The following ABLIM2 variants were observed in gnomAD, a reference collection of about 807,000 sequenced individuals.
ABLIM2 encodes the protein actin-binding LIM protein 2.
Under a neutral mutation model 97.7 loss-of-function variants are expected in ABLIM2, and 53 were observed. That is an observed-to-expected ratio of 0.54 (90% CI 0.44 to 0.68). The LOEUF is 0.68. ABLIM2 is among the 30% of genes least tolerant of loss of function. ABLIM2 has a pLI of 0.00. For missense variants in ABLIM2, 835 were observed against 867.2 expected (o/e 0.96, Z 0.47); for synonymous variants, 361 against 345.8 (o/e 1.04, Z -0.49).
At chr4:8,100,983 C>A (rs1330517139) in intron 2 of ABLIM2, among the ~76,000 whole-genome samples, 2 of 152,170 alleles carry the variant, frequency 1.3e-5, no homozygotes, top group African/African-American at 4.8e-5. Flanking sequence ...AGGTATACGG[C>A]ATGCCTTCAC....
At position 8,054,078 on chromosome 4, in the gene ABLIM2, G is replaced by T; in HGVS notation, c.822+110C>A. 2 of 1,293,426 alleles carry T rather than the reference G, an allele frequency of 1.5e-6. No individual in the cohort carries two copies. Among genetic ancestry groups the T allele is most frequent in the Non-Finnish European group, 2.2e-6 (2 of 897,772 alleles). The allele number at this position is 1,293,426 out of a possible 1,614,324, so 80.1% of individuals were successfully genotyped here. A position where few individuals can be genotyped will look rare whatever the true frequency, so the allele number is the denominator to read the frequency against. ...CCTGGCTGCCCCCATCCTGCAGCCCGTGGGACTGGACAATGAGCCTGTAGA... is the reference window on the plus strand; with the variant it reads ...CCTGGCTGCCCCCATCCTGCAGCCCTTGGGACTGGACAATGAGCCTGTAGA... On this transcript the variant is annotated intron_variant, in intron 8 of 20. Coordinates refer to ENST00000447017, the MANE Select transcript of ABLIM2 (RefSeq NM_001130083.2). The surrounding 1 kb of genome is among the most constrained non-coding windows in gnomAD (Gnocchi z 4.9).
intron 10 of ABLIM2, among the ~76,000 whole-genome samples, chr4:8,035,338 C>T (rs927124264): frequency 3.9e-5 from 6 of 152,160 alleles, no homozygotes; most frequent in African/African-American, 9.7e-5. Context: ...CCGCATCGAA[C>T]GCGCTGCCCT....
rs1491388570 is a variant in ABLIM2 at position 8,091,340 on chromosome 4, AAT to A, written c.339-3058_339-3057del. On this transcript the variant is annotated intron_variant, in intron 3 of 20. Coordinates refer to ENST00000447017, the MANE Select transcript of ABLIM2 (RefSeq NM_001130083.2). Reference sequence around the variant, plus strand: ...ATAATTATATATATATTATATATATAATATATATATAATTATATATATATTAT... The same window carrying A: ...ATAATTATATATATATTATATATATAATATATATAATTATATATATATTAT... Among the ~76,000 whole-genome samples the A allele has an allele frequency of 3.6e-4, 10 of 27,564 alleles. 2 individuals are homozygous for A. Among genetic ancestry groups the A allele is most frequent in the South Asian group, 1.3e-3 (2 of 1,548 alleles). The allele number at this position is 27,564 out of a possible 152,430, so 18.1% of individuals were successfully genotyped here. A position where few individuals can be genotyped will look rare whatever the true frequency, so the allele number is the denominator to read the frequency against.
At chr4:8,052,828 C>T (rs1437540189) in intron 8 of ABLIM2, among the ~76,000 whole-genome samples, 2 of 152,258 alleles carry the variant, frequency 1.3e-5, no homozygotes, top group Non-Finnish European at 2.9e-5. Context: ...AACAAGAGCC[C>T]AGACTTGCCG....
chr4:8,002,090 G>A lies in ABLIM2; in HGVS notation c.1618+5969C>T, dbSNP rs1327225082. Reference sequence around the variant, plus strand: ...GAACACAAACTCAGGACACAGCCACGTACTCACAGTTGGAGTGGCTGGGGC... The same window carrying A: ...GAACACAAACTCAGGACACAGCCACATACTCACAGTTGGAGTGGCTGGGGC... On this transcript the variant is annotated intron_variant, in intron 16 of 20. Coordinates refer to ENST00000447017, the MANE Select transcript of ABLIM2 (RefSeq NM_001130083.2). This position sits in a 1 kb window ranked among gnomAD's most constrained non-coding sequence, Gnocchi z 6.1. Among the ~76,000 whole-genome samples the A allele has an allele frequency of 1.3e-5, 2 of 152,124 alleles. No homozygotes were observed. The highest frequency in any genetic ancestry group is 2.4e-5 in the African/African-American group (1 of 41,420).
intron 20 of ABLIM2, 33 bp from the exon 21 acceptor site, chr4:7,967,136 G>C: frequency 6.4e-7 from 1 of 1,572,582 alleles, no homozygotes. Flanking sequence ...GAAGGGACCA[G>C]TTAGCCACGC....
Position 8,062,595 on chromosome 4 carries a change from C to T in ABLIM2, c.676-1541G>A, listed in dbSNP as rs979327354. On this transcript the variant is annotated intron_variant, in intron 6 of 20. Transcript: ENST00000447017. Reference sequence around the variant, plus strand: ...CTGGGACTACAGACCCCCACCACCACGCCTGGCTAATTTTTTTGTATTTTT... The same window carrying T: ...CTGGGACTACAGACCCCCACCACCATGCCTGGCTAATTTTTTTGTATTTTT... 1.7e-4 allele frequency among the ~76,000 whole-genome samples: 26 copies of T among 152,198 alleles called. No homozygotes were observed. In the East Asian group the frequency reaches 2.5e-3, roughly 15 times the overall value.
In ABLIM2 at chr4:7,967,123, A is replaced by C; in HGVS notation, c.1825-20T>G. The C allele has an allele frequency of 1.3e-6, 2 of 1,596,132 alleles. No individual in the cohort carries two copies. The highest frequency in any genetic ancestry group is 1.7e-6 in the Non-Finnish European group (2 of 1,165,122). On this transcript the variant is annotated intron_variant, in intron 20 of 20. Coordinates refer to ENST00000447017, the MANE Select transcript of ABLIM2 (RefSeq NM_001130083.2). Reference sequence around the variant, plus strand: ...GTGTCTCTTCAAACAAAAAGGCAAAACAGAAGGGACCAGTTAGCCACGCAG... The same window carrying C: ...GTGTCTCTTCAAACAAAAAGGCAAACCAGAAGGGACCAGTTAGCCACGCAG...
rs144424357 is a variant in ABLIM2, at chr4:8,135,853, A to G, written c.10+22827T>C. On this transcript the variant is annotated intron_variant, in intron 1 of 20. Transcript: ENST00000447017. ...TCAGGACAATAAGAGCTCCCACTTC[A>G]CAGGTGGTGAAGAGCCAACGTGGTG... Among the ~76,000 whole-genome samples the G allele has an allele frequency of 9.6e-4, 146 of 152,304 alleles. 2 individuals are homozygous for G. The highest frequency in any genetic ancestry group is 1.1e-3 in the Non-Finnish European group (74 of 68,012).
At position 7,970,667 on chromosome 4, in the gene ABLIM2, C is replaced by T. The variant is rs1727151725; in HGVS notation, c.1825-3564G>A. Among the ~76,000 whole-genome samples the T allele has an allele frequency of 6.6e-6, 1 of 151,596 alleles. No individual in the cohort carries two copies. Among genetic ancestry groups the T allele is most frequent in the Non-Finnish European group, 1.5e-5 (1 of 67,884 alleles). On this transcript the variant is annotated intron_variant, in intron 20 of 20. Transcript: ENST00000447017. The surrounding 1 kb of genome is among the most constrained non-coding windows in gnomAD (Gnocchi z 5.3). ...GAGGTGGGTGTGGGAAGCAGAGGTG[C>T]CCTTGGGGATGACTGTGGGGGGGCG...
At chr4:8,152,549 C>A (rs1188616747) in intron 1 of ABLIM2, among the ~76,000 whole-genome samples, 2 of 152,234 alleles carry the variant, frequency 1.3e-5, no homozygotes, top group African/African-American at 4.8e-5. Context: ...CCCTGAGCAG[C>A]CCTGGCGATG....
At chr4:8,012,531 T>C (rs937419688) in intron 14 of ABLIM2, among the ~76,000 whole-genome samples, 32 of 134,778 alleles carry the variant, frequency 2.4e-4, no homozygotes, top group Non-Finnish European at 4.8e-4. Flanking sequence ...TCCACCCATC[T>C]ATTAATCCAT....
rs1852135228 is a variant in ABLIM2, at chr4:8,148,198, G to T, written c.10+10482C>A. Among the ~76,000 whole-genome samples, 1 of 152,232 alleles carries T rather than the reference G, an allele frequency of 6.6e-6. No individual in the cohort carries two copies. The highest frequency in any genetic ancestry group is 6.5e-5 in the Admixed American group (1 of 15,282). ...GAGAAAAGGAAGACGTGGCGGCGGT[G>T]CAGCAGAAGCTCTCCTGTGGGGGCC... On this transcript the variant is annotated intron_variant, in intron 1 of 20. Coordinates refer to ENST00000447017, the MANE Select transcript of ABLIM2 (RefSeq NM_001130083.2). This position sits in a 1 kb window ranked among gnomAD's most constrained non-coding sequence, Gnocchi z 6.7.
chr4:8,112,066 G>A lies in ABLIM2; in HGVS notation c.11-5429C>T, dbSNP rs1034659006. ...ATAATAACATAGAACATAAACTCAA[G>A]TGCTAAGAATCTATCACACAGGGGC... On this transcript the variant is annotated intron_variant, in intron 1 of 20. Coordinates refer to ENST00000447017, the MANE Select transcript of ABLIM2 (RefSeq NM_001130083.2). The surrounding 1 kb of genome is among the most constrained non-coding windows in gnomAD (Gnocchi z 4.2). 3.9e-5 allele frequency among the ~76,000 whole-genome samples: 6 copies of A among 152,138 alleles called. No homozygotes were observed. The highest frequency in any genetic ancestry group is 3.3e-4 in the Admixed American group (5 of 15,272).
rs547304306 is a variant in ABLIM2 at position 8,112,333 on chromosome 4, G to A, written c.11-5696C>T. On this transcript the variant is annotated intron_variant, in intron 1 of 20. Transcript: ENST00000447017. This position sits in a 1 kb window ranked among gnomAD's most constrained non-coding sequence, Gnocchi z 4.2. ...ATCCAGGGGCAGCGGTGTGACCTTGGTGAATGGATTTAACTCTGCAAAGCC... is the reference window on the plus strand; with the variant it reads ...ATCCAGGGGCAGCGGTGTGACCTTGATGAATGGATTTAACTCTGCAAAGCC... Among the ~76,000 whole-genome samples the A allele has an allele frequency of 3.3e-5, 5 of 152,350 alleles. No homozygotes were observed. Among genetic ancestry groups the A allele is most frequent in the African/African-American group, 1.2e-4 (5 of 41,580 alleles).
rs1791246040 is a variant in ABLIM2 at position 8,044,840 on chromosome 4, C to T, written c.900+324G>A. The stretch of plus-strand genomic sequence containing the variant: ...GGTCCCGCCTGGGTGTCTGGCAAGC[C>T]CCAACTGTCGGCTGTTGATGTGACG... On this transcript the variant is annotated intron_variant, in intron 9 of 20. Coordinates refer to ENST00000447017, the MANE Select transcript of ABLIM2 (RefSeq NM_001130083.2). This position sits in a 1 kb window ranked among gnomAD's most constrained non-coding sequence, Gnocchi z 4.4. 1.3e-5 allele frequency among the ~76,000 whole-genome samples: 2 copies of T among 152,178 alleles called. No homozygotes were observed. The highest frequency in any genetic ancestry group is 2.4e-5 in the African/African-American group (1 of 41,438).
At chr4:8,014,462 G>A (rs1767342512) in intron 14 of ABLIM2, among the ~76,000 whole-genome samples, 1 of 152,240 alleles carries the variant, frequency 6.6e-6, no homozygotes, top group Admixed American at 6.5e-5. Flanking sequence ...GAGGAAGAGA[G>A]AGAGGCAGAG....
rs113598507 is a variant in ABLIM2 at position 8,002,089 on chromosome 4, C to A, written c.1618+5970G>T. On this transcript the variant is annotated intron_variant, in intron 16 of 20. Coordinates refer to ENST00000447017, the MANE Select transcript of ABLIM2 (RefSeq NM_001130083.2). The surrounding 1 kb of genome is among the most constrained non-coding windows in gnomAD (Gnocchi z 6.1). The stretch of plus-strand genomic sequence containing the variant: ...GGAACACAAACTCAGGACACAGCCA[C>A]GTACTCACAGTTGGAGTGGCTGGGG... Among the ~76,000 whole-genome samples, 5 of 152,180 alleles carry A rather than the reference C, an allele frequency of 3.3e-5. No homozygotes were observed. Among genetic ancestry groups the A allele is most frequent in the Admixed American group, 3.3e-4 (5 of 15,282 alleles).
rs1852045605 is a variant in ABLIM2, at chr4:8,147,684, G to C, written c.10+10996C>G. On this transcript the variant is annotated intron_variant, in intron 1 of 20. Coordinates refer to ENST00000447017, the MANE Select transcript of ABLIM2 (RefSeq NM_001130083.2). This position sits in a 1 kb window ranked among gnomAD's most constrained non-coding sequence, Gnocchi z 5.3. ...GAATCTGGCAGCCACCAAAGCTGCA[G>C]GGGTGAGGACTGAGCCTCCCCTGAG... Among the ~76,000 whole-genome samples the C allele has an allele frequency of 6.6e-6, 1 of 152,226 alleles. No individual in the cohort carries two copies. Among genetic ancestry groups the C allele is most frequent in the Admixed American group, 6.5e-5 (1 of 15,282 alleles).
Sources: allele counts gnomAD v4.1 joint callset (sites outside exome capture counted in the v4.1 genomes callset), GRCh38; gene constraint gnomAD v4.1.1; non-coding constraint Gnocchi (gnomAD v3.1); transcripts MANE v1.5; gene names NCBI Gene and HGNC (gene_info 2026-07-23, HGNC 2026-07-21).